The following PTCHD4 variants were observed in gnomAD, a reference collection of about 807,000 sequenced individuals.
The protein encoded by PTCHD4 is patched domain containing 4, also known as patched domain-containing protein 4.
Under a neutral mutation model 58.1 loss-of-function variants are expected in PTCHD4, and 33 were observed. That is an observed-to-expected ratio of 0.57 (90% CI 0.43 to 0.76). The LOEUF (loss-of-function observed/expected upper bound fraction) is 0.76, where lower values mean the gene tolerates loss of function less well. Among genes scored for constraint, PTCHD4 ranks in the 30% least tolerant of loss-of-function variants. The probability of loss-of-function intolerance (pLI) is 0.00; values close to 1 mark genes in which losing one functional copy is unlikely to be tolerated. For synonymous variants in PTCHD4, 478 were observed against 409.6 expected (o/e 1.17, Z -2.02); for missense variants, 1,058 against 1,027.1 (o/e 1.03, Z -0.41).
At chr6:47,953,923 T>A (rs1449103083) in intron 4 of PTCHD4, among the ~76,000 whole-genome samples, 1 of 152,214 alleles carries the variant, frequency 6.6e-6, no homozygotes, top group Non-Finnish European at 1.5e-5. Context: ...GGCAAATAGT[T>A]ACATCCTAAT....
chr6:47,982,430 AAACTT>A (rs1767911870), intron 4 of PTCHD4, among the ~76,000 whole-genome samples: 1 of 151,682 alleles, frequency 6.6e-6, no homozygotes, highest in Non-Finnish European at 1.5e-5. Flanking sequence ...GTAAAAATGA[AAACTT>A]AACCTCAACA....
chr6:48,103,649 T>C (rs368236833), intron 1 of PTCHD4, among the ~76,000 whole-genome samples: 1 of 151,786 alleles, frequency 6.6e-6, no homozygotes, highest in Admixed American at 6.6e-5. Flanking sequence ...ATCAAACTAC[T>C]CCGAGCTAAA....
chr6:48,011,382 T>C (rs1185207657), intron 3 of PTCHD4, among the ~76,000 whole-genome samples: 2 of 152,210 alleles, frequency 1.3e-5, no homozygotes, highest in Non-Finnish European at 2.9e-5. Context: ...TGTCTTCTTT[T>C]GAGAAGTGTC....
chr6:47,988,076 C>G (rs576166712), intron 4 of PTCHD4, among the ~76,000 whole-genome samples: 5 of 152,038 alleles, frequency 3.3e-5, no homozygotes, highest in Non-Finnish European at 5.9e-5. Context: ...TGTGCCTGAC[C>G]CCAGTCACAT....
At position 47,879,461 on chromosome 6, in the gene PTCHD4, T is replaced by A; in HGVS notation, c.1374A>T (p.Ile458=). The A allele has an allele frequency of 6.2e-7, 1 of 1,613,562 alleles. No homozygotes were observed. Among genetic ancestry groups the A allele is most frequent in the Non-Finnish European group, 8.5e-7 (1 of 1,179,662 alleles). Residue 458 remains isoleucine, a synonymous_variant, in exon 5 of 5, where the codon ATA becomes ATT. Coordinates refer to ENST00000339488, the MANE Select transcript of PTCHD4 (RefSeq NM_001384253.1). ...GGATGACAACAAATGGCTTCACATA[T>A]ATATTGGTAATCCATTCATTATAAT... ...REHYNEWITN[I]YVKPFVVILY... is the part of the protein sequence containing the mutation.
chr6:48,013,073 A>T (rs543054887), intron 3 of PTCHD4, among the ~76,000 whole-genome samples: 13 of 152,210 alleles, frequency 8.5e-5, no homozygotes, highest in Middle Eastern at 6.8e-3. Context: ...TGGTATCAGG[A>T]TGATGCTGGC....
rs758971037 is a variant in PTCHD4, at chr6:47,879,122, G to A, written c.1713C>T (p.Val571=). The A allele has an allele frequency of 1.2e-5, 20 of 1,612,364 alleles. No homozygotes were observed. The highest frequency in any genetic ancestry group is 1.7e-4 in the Middle Eastern group (1 of 6,058). ...GCTTTTTTAAAAATGAGCTTTGCAG[G>A]ACACTGATGAAGTCACTTTTGTTAT... ...SANNKSDFIS[V]LQSSFLKKPE... is the part of the protein sequence containing the mutation. The change falls in exon 5 of 5, where the codon GTC becomes GTT. Residue 571 remains valine (V), a synonymous_variant. Coordinates refer to ENST00000339488, the MANE Select transcript of PTCHD4 (RefSeq NM_001384253.1).
intron 1 of PTCHD4, among the ~76,000 whole-genome samples, chr6:48,080,580 T>C (rs910028391): frequency 6.6e-6 from 1 of 152,126 alleles, no homozygotes; most frequent in African/African-American, 2.4e-5. Flanking sequence ...CTCTCTAGAG[T>C]TGTACTCTAA....
In PTCHD4 at chr6:47,933,987, T is replaced by C. The variant is rs1052624010; in HGVS notation, c.899-54051A>G. Reference sequence around the variant, plus strand: ...TTCAGATGTTATCTCTATACTATCTTGGTAGAATAACAGGGTAATCTGTTC... The same window carrying C: ...TTCAGATGTTATCTCTATACTATCTCGGTAGAATAACAGGGTAATCTGTTC... On this transcript the variant is annotated intron_variant, in intron 4 of 4. Transcript: ENST00000339488. 3.3e-5 allele frequency among the ~76,000 whole-genome samples: 5 copies of C among 152,234 alleles called. 1 individual carries two copies. The East Asian group carries it at 9.6e-4, about 29-fold the overall frequency.
intron 4 of PTCHD4, among the ~76,000 whole-genome samples, chr6:47,903,267 A>T (rs1013263670): frequency 6.6e-5 from 10 of 152,114 alleles, no homozygotes; most frequent in Non-Finnish European, 1.3e-4. Context: ...AGAGGTGTCT[A>T]TAGGGGGAGA....
In PTCHD4 at chr6:48,068,608, C is replaced by T; in HGVS notation, c.39G>A (p.Trp13Ter). Residue 13 changes from tryptophan (W) to a stop codon, truncating the protein, a stop_gained, in exon 3 of 5, where the codon TGG (tryptophan) becomes TGA (stop). Coordinates refer to ENST00000339488, the MANE Select transcript of PTCHD4 (RefSeq NM_001384253.1). LOFTEE classifies it high-confidence loss of function. The surrounding 1 kb of genome is among the most constrained non-coding windows in gnomAD (Gnocchi z 4.2). ...TGCGAAGCACCTGCCGCAGCATCCT[C>T]CACCAGATCCAGCTCGCAGGCGCTC... ...RPGAPASWIW[W>*]RMLRQVLRRG... 2 of 1,574,050 alleles carry T rather than the reference C, an allele frequency of 1.3e-6. No individual in the cohort carries two copies. The highest frequency in any genetic ancestry group is 1.7e-6 in the Non-Finnish European group (2 of 1,164,374).
At chr6:47,971,361 T>C (rs1026174504) in intron 4 of PTCHD4, among the ~76,000 whole-genome samples, 51 of 152,138 alleles carry the variant, frequency 3.4e-4, no homozygotes, top group African/African-American at 1.1e-3. Context: ...CTAGAAGAGT[T>C]ATATGTGAAG....
intron 4 of PTCHD4, among the ~76,000 whole-genome samples, chr6:47,957,900 G>A (rs373433729): frequency 1.3e-5 from 2 of 151,980 alleles, no homozygotes; most frequent in African/African-American, 2.4e-5. Context: ...CACCGCGCCC[G>A]GCCATAAGAC....
chr6:48,086,158 T>C (rs1765259742), intron 1 of PTCHD4, among the ~76,000 whole-genome samples: 1 of 152,210 alleles, frequency 6.6e-6, no homozygotes, highest in Non-Finnish European at 1.5e-5. Context: ...CTGTGTCACA[T>C]ACTCGACTCT....
At chr6:48,066,818 G>C (rs969327190) in intron 3 of PTCHD4, among the ~76,000 whole-genome samples, 1 of 151,152 alleles carries the variant, frequency 6.6e-6, no homozygotes, top group Non-Finnish European at 1.5e-5. Context: ...AAAAAAAGCA[G>C]GTTATAAGGT....
intron 4 of PTCHD4, among the ~76,000 whole-genome samples, chr6:47,983,592 C>G (rs1456326731): frequency 6.6e-6 from 1 of 152,094 alleles, no homozygotes; most frequent in African/African-American, 2.4e-5. Flanking sequence ...TATGACAAAA[C>G]TCAGTCTTTG....
At chr6:48,031,189 C>T (rs764133068) in intron 3 of PTCHD4, among the ~76,000 whole-genome samples, 9 of 152,126 alleles carry the variant, frequency 5.9e-5, no homozygotes, top group African/African-American at 1.9e-4. Context: ...ATTCTAATCA[C>T]ATCTGGTTTC....
chr6:48,090,982 T>C (rs1189680667), intron 1 of PTCHD4, among the ~76,000 whole-genome samples: 1 of 152,220 alleles, frequency 6.6e-6, no homozygotes, highest in African/African-American at 2.4e-5. Context: ...TCGCTTTTTC[T>C]ATTAAATTTT....
chr6:48,062,712 A>G, intron 3 of PTCHD4, among the ~76,000 whole-genome samples: 1 of 152,198 alleles, frequency 6.6e-6, no homozygotes, highest in East Asian at 1.9e-4. Flanking sequence ...GTTGGGTGCT[A>G]TGATCAAAGT....
Sources: gnomAD v4.1 joint callset for allele counts (sites outside exome capture counted in the v4.1 genomes callset) on GRCh38, gnomAD v4.1.1 for gene constraint, Gnocchi (gnomAD v3.1) non-coding constraint, MANE v1.5 for transcripts, NCBI Gene and HGNC (gene_info 2026-07-23, HGNC 2026-07-21) for gene names.